Variants in NRXN2 observed in about 807,000 individuals in gnomAD.
NRXN2 encodes the protein neurexin 2.
A neutral mutation model predicts 128.8 loss-of-function variants in NRXN2; 29 were observed. The ratio of observed to expected loss-of-function variants is 0.23; its 90% CI spans 0.17 to 0.31. The LOEUF is 0.31. Among genes scored for constraint, NRXN2 ranks in the 10% least tolerant of loss-of-function variants. The probability of loss-of-function intolerance (pLI) is 1.00; values close to 1 mark genes in which losing one functional copy is unlikely to be tolerated. For synonymous variants in NRXN2, 1,098 were observed against 1,075.2 expected (o/e 1.02, Z -0.41); for missense variants, 1,881 against 2,452.6 (o/e 0.77, Z 4.92).
chr11:64,679,063 A>C (rs892852295), intron 6 of NRXN2, among the ~76,000 whole-genome samples: 1 of 152,212 alleles, frequency 6.6e-6, no homozygotes, highest in African/African-American at 2.4e-5. Context: ...TAAGAGGATT[A>C]GTACTGGTGG....
intron 9 of NRXN2, among the ~76,000 whole-genome samples, chr11:64,662,639 G>A (rs986687532): frequency 5.3e-5 from 8 of 151,988 alleles, no homozygotes; most frequent in African/African-American, 1.9e-4. Context: ...AAAATTAGCT[G>A]GGCGTGGTGG....
intron 2 of NRXN2, among the ~76,000 whole-genome samples, chr11:64,711,718 C>A (rs1176394815): frequency 6.6e-6 from 1 of 152,184 alleles, no homozygotes; most frequent in Non-Finnish European, 1.5e-5. Flanking sequence ...AAACCCCACG[C>A]TCTCAGGGGT....
Position 64,651,667 on chromosome 11 carries a change from G to T in NRXN2, c.2537-31C>A, listed in dbSNP as rs76736181. The T allele has an allele frequency of 2.1e-4, 342 of 1,611,594 alleles. No individual in the cohort carries two copies. In the African/African-American group the frequency reaches 4.2e-3, roughly 20 times the overall value. Reference sequence around the variant, plus strand: ...CAGGACAGGAGACCAAGATGAGGGGGATGGCTTTGGGGCAGGGCTGGGGCT... The same window carrying T: ...CAGGACAGGAGACCAAGATGAGGGGTATGGCTTTGGGGCAGGGCTGGGGCT... On this transcript the variant is annotated intron_variant, in intron 13 of 22. Transcript: ENST00000265459. This position sits in a 1 kb window ranked among gnomAD's most constrained non-coding sequence, Gnocchi z 5.9.
In NRXN2 at chr11:64,714,987, G is replaced by A. The variant is rs1269720395; in HGVS notation, c.-244-1044C>T. Among the ~76,000 whole-genome samples, 1 of 152,072 alleles carries A rather than the reference G, an allele frequency of 6.6e-6. No homozygotes were observed. Among genetic ancestry groups the A allele is most frequent in the Non-Finnish European group, 1.5e-5 (1 of 68,020 alleles). On this transcript the variant is annotated intron_variant, in intron 1 of 22. Coordinates refer to ENST00000265459, the MANE Select transcript of NRXN2 (RefSeq NM_015080.4). This position sits in a 1 kb window ranked among gnomAD's most constrained non-coding sequence, Gnocchi z 4.5. ...GAGAGAAGGAGGTGGGGAGAAGCCT[G>A]GGAGAGAAGCAGGGAGGGGCTAGAG... is the stretch of plus-strand genomic sequence containing the variant.
chr11:64,642,690 C>T (rs771644163), intron 17 of NRXN2: 23 of 1,534,434 alleles, frequency 1.5e-5, no homozygotes, highest in Non-Finnish European at 1.8e-5. Context: ...GCAGCAACAG[C>T]GGCAACAGCG....
intron 17 of NRXN2, among the ~76,000 whole-genome samples, chr11:64,636,981 G>C (rs1392779815): frequency 1.3e-5 from 2 of 152,086 alleles, no homozygotes; most frequent in Non-Finnish European, 2.9e-5. Flanking sequence ...CCATCTGCAG[G>C]CCCAGGGAGG....
chr11:64,654,103 G>T (rs1285628937), intron 11 of NRXN2, among the ~76,000 whole-genome samples: 2 of 152,180 alleles, frequency 1.3e-5, no homozygotes, highest in Non-Finnish European at 2.9e-5. Flanking sequence ...CCCTGTCTCT[G>T]GGAGGGAGAT....
chr11:64,643,776 C>G (rs2046199885), intron 17 of NRXN2, among the ~76,000 whole-genome samples: 1 of 151,842 alleles, frequency 6.6e-6, no homozygotes, highest in Non-Finnish European at 1.5e-5. Flanking sequence ...CGCCTGGACG[C>G]GCGCGCTCCT....
In NRXN2 at chr11:64,713,683, C is replaced by G. The variant is rs922723840; in HGVS notation, c.17G>C (p.Arg6Pro). MASGS[R>P]WRPTPPPLLL... The stretch of plus-strand genomic sequence containing the variant: ...CAGCGGCGGCGGTGTCGGCCGCCAC[C>G]GGCTCCCGGACGCCATGCCTACGGC... Residue 6 changes from arginine (R) to proline (P), a missense_variant, in exon 2 of 23, where the codon CGG (arginine) becomes CCG (proline). Arg to Pro is a moderately radical substitution (Grantham distance 103). Coordinates refer to ENST00000265459, the MANE Select transcript of NRXN2 (RefSeq NM_015080.4). 90 of 1,141,676 alleles carry G rather than the reference C, an allele frequency of 7.9e-5. No homozygotes were observed. Among genetic ancestry groups the G allele is most frequent in the Non-Finnish European group, 9.4e-5 (88 of 933,138 alleles). The allele number at this position is 1,141,676 out of a possible 1,614,324, so 70.7% of individuals were successfully genotyped here.
chr11:64,629,475 A>G (rs372891021), intron 19 of NRXN2, among the ~76,000 whole-genome samples: 42 of 151,992 alleles, frequency 2.8e-4, no homozygotes, highest in Admixed American at 5.9e-4. Flanking sequence ...TGCTATTTCC[A>G]TATCTTTCCA....
rs1169357260 is a variant in NRXN2, at chr11:64,622,684, G to C, written c.4173+69C>G. 16 of 1,553,156 alleles carry C rather than the reference G, an allele frequency of 1.0e-5. No homozygotes were observed. In the East Asian group the frequency reaches 3.4e-4, roughly 33 times the overall value. Reference sequence around the variant, plus strand: ...CCCTCACTCTAGGCACCACTACTGTGGCTATGCAGATATCAACCCCATCCC... The same window carrying C: ...CCCTCACTCTAGGCACCACTACTGTCGCTATGCAGATATCAACCCCATCCC... On this transcript the variant is annotated intron_variant, in intron 21 of 22. Coordinates refer to ENST00000265459, the MANE Select transcript of NRXN2 (RefSeq NM_015080.4). This position sits in a 1 kb window ranked among gnomAD's most constrained non-coding sequence, Gnocchi z 4.3.
intron 17 of NRXN2, among the ~76,000 whole-genome samples, chr11:64,637,968 C>T (rs1251601948): frequency 6.6e-6 from 1 of 152,004 alleles, no homozygotes; most frequent in Non-Finnish European, 1.5e-5. Flanking sequence ...AGGCCCCACA[C>T]CCACACACAG....
Position 64,635,400 on chromosome 11 carries a change from C to A in NRXN2, c.3456G>T (p.Trp1152Cys). Residue 1152 changes from tryptophan (W) to cysteine (C), a missense_variant, in exon 18 of 23, where the codon TGG (tryptophan) becomes TGT (cysteine). Around this residue, in one of 7 missense-constraint regions of NRXN2, gnomAD observed 390 missense variants for 599.6 expected, o/e 0.65. Coordinates refer to ENST00000265459, the MANE Select transcript of NRXN2 (RefSeq NM_015080.4). The surrounding 1 kb of genome is among the most constrained non-coding windows in gnomAD (Gnocchi z 4.8). The stretch of plus-strand genomic sequence containing the variant: ...TCGTGCTGGGCCTGTCATTGGGGGG[C>A]CACGTGTAGGTGATGAGCGCTCCCC... ...GKGGALITYTWPPNDRPSTRM... is the reference protein window; with the variant it reads ...GKGGALITYTCPPNDRPSTRM... 6.2e-7 allele frequency: 1 copy of A among 1,613,838 alleles called. No homozygotes were observed. The highest frequency in any genetic ancestry group is 8.5e-7 in the Non-Finnish European group (1 of 1,180,010).
intron 15 of NRXN2, among the ~76,000 whole-genome samples, chr11:64,649,392 G>A (rs1198379195): frequency 6.6e-6 from 1 of 152,090 alleles, no homozygotes; most frequent in Non-Finnish European, 1.5e-5. Flanking sequence ...TTGGGACTCT[G>A]GGAAGTTCTC....
At position 64,630,309 on chromosome 11, in the gene NRXN2, G is replaced by A. The variant is rs2043702841; in HGVS notation, c.3757+93C>T. 1 of 1,243,688 alleles carries A rather than the reference G, an allele frequency of 8.0e-7. No individual in the cohort carries two copies. The highest frequency in any genetic ancestry group is 1.5e-5 in the African/African-American group (1 of 66,016). 77.0% of individuals were successfully genotyped at this position (1,243,688 alleles called of 1,614,324 possible). On this transcript the variant is annotated intron_variant, in intron 19 of 22. Transcript: ENST00000265459. This position sits in a 1 kb window ranked among gnomAD's most constrained non-coding sequence, Gnocchi z 4.6. The stretch of plus-strand genomic sequence containing the variant: ...CAGAGCCGCTTAGCCCCGCCCCAGA[G>A]CCGCTTAGCCCCGCCCCGGTGCGGC...
chr11:64,656,396 A>C (rs1319977940), intron 11 of NRXN2, among the ~76,000 whole-genome samples: 1 of 152,172 alleles, frequency 6.6e-6, no homozygotes, highest in Non-Finnish European at 1.5e-5. Context: ...GGAATTTCAC[A>C]ATAAGTGGGA....
At chr11:64,640,662 C>A (rs2135410254) in intron 17 of NRXN2, among the ~76,000 whole-genome samples, 1 of 151,712 alleles carries the variant, frequency 6.6e-6, no homozygotes, top group Non-Finnish European at 1.5e-5. Flanking sequence ...CCAGGTGGGA[C>A]AGAGATAAGA....
intron 6 of NRXN2, among the ~76,000 whole-genome samples, chr11:64,684,948 C>T (rs1243803788): frequency 1.3e-5 from 2 of 152,164 alleles, no homozygotes; most frequent in Non-Finnish European, 2.9e-5. Flanking sequence ...GAAAGCAAGC[C>T]ATGGATGCTG....
chr11:64,681,823 T>C (rs1023092062), intron 6 of NRXN2, among the ~76,000 whole-genome samples: 3 of 137,380 alleles, frequency 2.2e-5, no homozygotes, highest in African/African-American at 5.4e-5. Flanking sequence ...TGGATGAGTA[T>C]GGAGAACAGC....
Sources: allele counts gnomAD v4.1 joint callset (sites outside exome capture counted in the v4.1 genomes callset), GRCh38; gene constraint gnomAD v4.1.1; regional missense constraint gnomAD v4.1.1; non-coding constraint Gnocchi (gnomAD v3.1); transcripts MANE v1.5; gene names NCBI Gene and HGNC (gene_info 2026-07-23, HGNC 2026-07-21).